Variants in SART3 observed in about 807,000 individuals in gnomAD.
SART3 encodes the protein HIV-1 Tat-interacting protein of 110kDa.
A neutral mutation model predicts 122.3 loss-of-function variants in SART3; 44 were observed. That is an observed-to-expected ratio of 0.36 (90% CI 0.28 to 0.46). The LOEUF is 0.46. Among genes scored for constraint, SART3 ranks in the 20% least tolerant of loss-of-function variants. The probability of loss-of-function intolerance (pLI) is 1.00; values close to 1 mark genes in which losing one functional copy is unlikely to be tolerated. For synonymous variants in SART3, 442 were observed against 454.0 expected, an observed-to-expected ratio of 0.97 and a Z score of 0.34; for missense variants, 1,101 against 1,229.0, an observed-to-expected ratio of 0.90 and a Z score of 1.56.
rs374471260 is a variant in SART3, at chr12:108,525,571, C to A, written c.2409G>T (p.Leu803=). The A allele has an allele frequency of 5.0e-6, 8 of 1,614,092 alleles. No individual in the cohort carries two copies. The highest frequency in any genetic ancestry group is 1.3e-5 in the African/African-American group (1 of 75,048). ...AGGAGAAAGGCAGGCCTGAGATGAA[C>A]AGCTTGTGTTTCTCTAGGGAAGTGC... ...RYSTSLEKHK[L]FISGLPFSCT... Residue 803 remains leucine (L), a synonymous_variant, in exon 17 of 19, where the codon CTG becomes CTT. Transcript: ENST00000546815.
chr12:108,527,512 C>T (rs563188500), intron 15 of SART3, among the ~76,000 whole-genome samples: 58 of 152,334 alleles, frequency 3.8e-4, no homozygotes, highest in African/African-American at 1.3e-3. Flanking sequence ...ACAATGCCAT[C>T]TCCCACAGTC....
At position 108,532,276 on chromosome 12, in the gene SART3, T is replaced by C; in HGVS notation, c.1615A>G (p.Ser539Gly). Residue 539 changes from serine (S) to glycine (G), a missense_variant, in exon 13 of 19, where the codon AGT becomes GGT. This residue lies in a region of SART3 where 885 missense variants were observed against 1,080.1 expected (regional missense o/e 0.82). Transcript: ENST00000546815. ...TCGCAGACGTGCTCTGGGTAGTCAC[T>C]GGTGCACTGGACGGCCCGGTGCAGA... ...KALHRAVQCT[S>G]DYPEHVCEVL... is the part of the protein sequence containing the mutation. The C allele has an allele frequency of 6.2e-7, 1 of 1,614,180 alleles. No homozygotes were observed. Among genetic ancestry groups the C allele is most frequent in the Non-Finnish European group, 8.5e-7 (1 of 1,180,024 alleles).
At position 108,530,202 on chromosome 12, in the gene SART3, C is replaced by T; in HGVS notation, c.1855G>A (p.Gly619Ser). 13 of 1,614,222 alleles carry T rather than the reference C, an allele frequency of 8.1e-6. No homozygotes were observed. The highest frequency in any genetic ancestry group is 1.1e-5 in the Non-Finnish European group (13 of 1,180,046). The change falls in exon 15 of 19, where the codon GGC becomes AGC. Residue 619 changes from glycine to serine, a missense_variant. Physicochemically the swap from Gly to Ser is moderately conservative, Grantham distance 56. Coordinates refer to ENST00000546815, the MANE Select transcript of SART3 (RefSeq NM_014706.4). ...KALKKKKKIR[G>S]PEKRGADEDD... ...TCATCTGCTCCGCGCTTCTCTGGGC[C>T]TCTGATCTTTTTCTTCTTTTTTAAC...
intron 11 of SART3, among the ~76,000 whole-genome samples, chr12:108,536,153 ATCTG>A (rs1341204052): frequency 2.0e-5 from 3 of 152,218 alleles, no homozygotes; most frequent in African/African-American, 7.2e-5. Context: ...AAGGAATTTT[ATCTG>A]TCTTATTCCC....
At chr12:108,551,887 T>TA (rs1405129110) in intron 1 of SART3, among the ~76,000 whole-genome samples, 2 of 152,000 alleles carry the variant, frequency 1.3e-5, no homozygotes, top group Non-Finnish European at 2.9e-5. Context: ...ATTTACAAAT[T>TA]AAAAAAAGTG....
intron 1 of SART3, among the ~76,000 whole-genome samples, chr12:108,556,043 AT>A (rs1322164766): frequency 6.6e-6 from 1 of 152,104 alleles, no homozygotes; most frequent in African/African-American, 2.4e-5. Context: ...GCTAAAATAA[AT>A]TCACAACCTA....
At chr12:108,552,942 C>G (rs715447) in intron 1 of SART3, among the ~76,000 whole-genome samples, 46,414 of 152,016 alleles carry the variant, frequency 0.31, 8,323 homozygotes, top group Middle Eastern at 0.45. Flanking sequence ...ATACTAAAAC[C>G]TACAATACAG....
At chr12:108,531,956 AACATTGTATAAC>A in intron 13 of SART3, 1 of 432,528 alleles carries the variant, frequency 2.3e-6, no homozygotes, top group Non-Finnish European at 4.3e-6. Flanking sequence ...GATGCCCCTA[AACATTGTATAAC>A]GCACAGTCCC....
At position 108,542,282 on chromosome 12, in the gene SART3, C is replaced by A. The variant is rs185635508; in HGVS notation, c.906+746G>T. ...AAATTAAGTAAAATTTAAGTATGAC[C>A]AATATCCAAGATTGGCACAAGCAAC... On this transcript the variant is annotated intron_variant, in intron 6 of 18. Coordinates refer to ENST00000546815, the MANE Select transcript of SART3 (RefSeq NM_014706.4). 3.3e-5 allele frequency among the ~76,000 whole-genome samples: 5 copies of A among 152,252 alleles called. No individual in the cohort carries two copies. The East Asian group carries it at 9.6e-4, about 29-fold the overall frequency.
chr12:108,545,510 T>G (rs1873364448), intron 3 of SART3, among the ~76,000 whole-genome samples, 187 bp from the exon 4 acceptor site: 1 of 151,870 alleles, frequency 6.6e-6, no homozygotes, highest in Admixed American at 6.6e-5. Context: ...AGACCATAGA[T>G]CCTCAGAAAA....
At chr12:108,536,906 A>C (rs894471569) in intron 9 of SART3, 121 bp from the exon 10 acceptor site, 10 of 902,114 alleles carry the variant, frequency 1.1e-5, no homozygotes, top group Non-Finnish European at 1.6e-5. Flanking sequence ...CAAGGGACAC[A>C]GAAATAAAAT....
At chr12:108,554,136 G>GCCCCCGACCCCA (rs56174371) in intron 1 of SART3, 5 of 119,826 alleles carry the variant, frequency 4.2e-5, no homozygotes, top group Admixed American at 1.7e-4. Context: ...GGGCGCCCCC[G>GCCCCCGACCCCA]GCCCCCCTCC....
chr12:108,544,299 C>G lies in SART3; in HGVS notation c.781+128G>C, dbSNP rs927901777. Reference sequence around the variant, plus strand: ...AGGACCTCATCCAAAGAGACAATATCCAAGGAGAGTAAGAACACCAGCTTT... The same window carrying G: ...AGGACCTCATCCAAAGAGACAATATGCAAGGAGAGTAAGAACACCAGCTTT... On this transcript the variant is annotated intron_variant, in intron 5 of 18. Coordinates refer to ENST00000546815, the MANE Select transcript of SART3 (RefSeq NM_014706.4). 46 of 856,970 alleles carry G rather than the reference C, an allele frequency of 5.4e-5. No homozygotes were observed. The Admixed American group carries it at 7.8e-4, about 15-fold the overall frequency. The allele number at this position is 856,970 out of a possible 1,614,324, so 53.1% of individuals were successfully genotyped here. A position where few individuals can be genotyped will look rare whatever the true frequency, so the allele number is the denominator to read the frequency against.
Position 108,538,951 on chromosome 12 carries a change from G to T in SART3, c.1045C>A (p.Arg349Ser), listed in dbSNP as rs751844673. The T allele has an allele frequency of 9.3e-6, 15 of 1,613,994 alleles. No individual in the cohort carries two copies. Among genetic ancestry groups the T allele is most frequent in the Non-Finnish European group, 1.2e-5 (14 of 1,180,016 alleles). Residue 349 changes from arginine (R) to serine (S), a missense_variant, in exon 7 of 19, where the codon CGT becomes AGT. By Grantham distance (110) the Arg-to-Ser change is moderately radical. This residue lies in a region of SART3 where 885 missense variants were observed against 1,080.1 expected (regional missense o/e 0.82). Coordinates refer to ENST00000546815, the MANE Select transcript of SART3 (RefSeq NM_014706.4). ...ENCLVPDLWI[R>S]YSQYLDRQLK... Reference sequence around the variant, plus strand: ...GATCTTACTAGGTACTGACTGTAACGGATCCATAAGTCTGGGACAAGGCAG... The same window carrying T: ...GATCTTACTAGGTACTGACTGTAACTGATCCATAAGTCTGGGACAAGGCAG...
At chr12:108,544,831 C>T in intron 4 of SART3, 1 of 568,768 alleles carries the variant, frequency 1.8e-6, no homozygotes, top group South Asian at 2.0e-5. Context: ...TCCCAAACTG[C>T]TGGAATTACA....
intron 1 of SART3, among the ~76,000 whole-genome samples, chr12:108,559,767 T>C (rs1400616329): frequency 6.6e-6 from 1 of 151,524 alleles, no homozygotes; most frequent in South Asian, 2.1e-4. Context: ...TGTCCCCGAG[T>C]ATAGACCTCA....
At chr12:108,538,852 C>G in intron 7 of SART3, 82 bp downstream of exon 7, 3 of 1,556,418 alleles carry the variant, frequency 1.9e-6, no homozygotes, top group Non-Finnish European at 2.7e-6. Context: ...GGGCCGTATG[C>G]AACAAACTCC....
intron 1 of SART3, among the ~76,000 whole-genome samples, chr12:108,555,891 G>A (rs1453531779): frequency 6.6e-6 from 1 of 152,126 alleles, no homozygotes; most frequent in African/African-American, 2.4e-5. Flanking sequence ...AAGCAGGTAG[G>A]AGGATTTGTC....
At position 108,525,520 on chromosome 12, in the gene SART3, G is replaced by A. The variant is rs374432075; in HGVS notation, c.2460C>T (p.Ile820=). The A allele has an allele frequency of 1.9e-6, 3 of 1,614,196 alleles. No homozygotes were observed. Among genetic ancestry groups the A allele is most frequent in the South Asian group, 2.2e-5 (2 of 91,080 alleles). ...CCTTCACGGTGCCATGAGCCTTACA[G>A]ATTTCTTCTAGTTCCTCTTTAGTAC... ...FSCTKEELEE[I]CKAHGTVKDL... Residue 820 remains isoleucine (I), a synonymous_variant, in exon 17 of 19, where the codon ATC becomes ATT. Coordinates refer to ENST00000546815, the MANE Select transcript of SART3 (RefSeq NM_014706.4).
Sources: gnomAD v4.1 joint callset for allele counts (sites outside exome capture counted in the v4.1 genomes callset) on GRCh38, gnomAD v4.1.1 for gene constraint, gnomAD v4.1.1 regional missense constraint, MANE v1.5 for transcripts, NCBI Gene and HGNC (gene_info 2026-07-23, HGNC 2026-07-21) for gene names.